Variants in PDE1C observed in about 807,000 individuals in gnomAD.
The protein encoded by PDE1C is phosphodiesterase 1C, also known as dual specificity calcium/calmodulin-dependent 3',5'-cyclic nucleotide phosphodiesterase 1C.
PDE1C carries 62 observed loss-of-function variants against 93.1 expected under a neutral mutation model. The observed-to-expected ratio is 0.67, with a 90% CI of 0.54 to 0.82. The LOEUF (loss-of-function observed/expected upper bound fraction) is 0.82. Ranked by LOEUF, PDE1C falls within the 40% of genes least tolerant of loss-of-function variation. The pLI, the probability that PDE1C is intolerant of heterozygous loss-of-function variation, is 0.00. For missense variants in PDE1C, 742 were observed against 884.6 expected, an observed-to-expected ratio of 0.84 and a Z score of 2.04; for synonymous variants, 325 against 310.1, an observed-to-expected ratio of 1.05 and a Z score of -0.50.
At chr7:31,747,555 A>C (rs1421031283), downstream of PDE1C, among the ~76,000 whole-genome samples, 1 of 152,188 alleles carries the variant, frequency 6.6e-6, no homozygotes, top group East Asian at 1.9e-4. Context: ...CAGTCCACTG[A>C]GATCTCAGCA....
chr7:31,877,063 T>C (rs1017451310), intron 5 of PDE1C, among the ~76,000 whole-genome samples: 4 of 152,164 alleles, frequency 2.6e-5, no homozygotes, highest in African/African-American at 9.7e-5. Context: ...TTTCAGGTTT[T>C]GGAGAAAGAA....
At chr7:32,089,264 T>C (rs1797318046) in intron 3 of PDE1C, among the ~76,000 whole-genome samples, 2 of 152,318 alleles carry the variant, frequency 1.3e-5, no homozygotes, top group Admixed American at 1.3e-4. Flanking sequence ...TAGAAAATCC[T>C]CACATTGAAG....
chr7:32,173,552 C>T (rs1340238015), intron 2 of PDE1C, among the ~76,000 whole-genome samples: 3 of 151,740 alleles, frequency 2.0e-5, no homozygotes, highest in Non-Finnish European at 2.9e-5. Flanking sequence ...TGTCAGATCA[C>T]TAAGCCATGC....
At chr7:31,644,101 T>C in the PDE1C span, 13 of 703,090 alleles carry the variant, frequency 1.8e-5, no homozygotes, top group African/African-American at 2.3e-4. Context: ...GAGTGCTTTA[T>C]TGTTTATGAT....
chr7:32,150,347 CA>C (rs1801165376), intron 3 of PDE1C, among the ~76,000 whole-genome samples: 1 of 152,216 alleles, frequency 6.6e-6, no homozygotes, highest in African/African-American at 2.4e-5. Flanking sequence ...AATGCCCTTG[CA>C]TTTGCCAGCC....
At chr7:31,699,182 G>A in the PDE1C span, among the ~76,000 whole-genome samples, 2 of 72,334 alleles carry the variant, frequency 2.8e-5, no homozygotes, top group African/African-American at 1.5e-4. Context: ...GAAAGGTTCT[G>A]AGGACTGCCT....
At chr7:32,122,754 A>T (rs1372597884) in intron 3 of PDE1C, among the ~76,000 whole-genome samples, 2 of 152,216 alleles carry the variant, frequency 1.3e-5, no homozygotes, top group African/African-American at 2.4e-5. Context: ...TGCCCACATC[A>T]TAAAGCTACA....
the PDE1C span, among the ~76,000 whole-genome samples, chr7:31,638,876 G>A: frequency 6.6e-5 from 10 of 151,902 alleles, no homozygotes; most frequent in African/African-American, 1.5e-4. Context: ...TCCCAGGTTC[G>A]AGCAATTCTT....
At chr7:32,365,717 C>T (rs1784218348) in intron 1 of PDE1C, among the ~76,000 whole-genome samples, 2 of 152,196 alleles carry the variant, frequency 1.3e-5, no homozygotes, top group African/African-American at 4.8e-5. Context: ...GGTCAACCCA[C>T]CATGTGCATG....
chr7:31,918,750 A>G (rs984079083), intron 2 of PDE1C, among the ~76,000 whole-genome samples: 1 of 152,114 alleles, frequency 6.6e-6, no homozygotes, highest in African/African-American at 2.4e-5. Flanking sequence ...TTGTGCATTT[A>G]TACCTTCGTC....
At chr7:32,262,781 A>G (rs998222407) in intron 1 of PDE1C, among the ~76,000 whole-genome samples, 4 of 152,312 alleles carry the variant, frequency 2.6e-5, no homozygotes, top group African/African-American at 7.2e-5. Flanking sequence ...TTTTGGGGAT[A>G]GTATTTTGGA....
intron 2 of PDE1C, among the ~76,000 whole-genome samples, chr7:31,973,355 C>T (rs1217544873): frequency 6.6e-6 from 1 of 152,180 alleles, no homozygotes; most frequent in Admixed American, 6.5e-5. Flanking sequence ...ATTTAAGAAG[C>T]TACGAGAATA....
chr7:32,052,349 T>C (rs748165483), intron 1 of PDE1C: 1 of 475,448 alleles, frequency 2.1e-6, no homozygotes, highest in African/African-American at 1.9e-5. Context: ...ACATCTGCTC[T>C]GACCATCTCA....
At chr7:31,652,092 C>T in the PDE1C span, 1 of 1,351,026 alleles carries the variant, frequency 7.4e-7, no homozygotes, top group Non-Finnish European at 1.0e-6. Flanking sequence ...ATCCAGCCTA[C>T]CACAGGAGAG....
chr7:31,707,445 C>T, the PDE1C span: 1 of 590,806 alleles, frequency 1.7e-6, no homozygotes, highest in South Asian at 2.3e-5. Context: ...TGCCAGTCAC[C>T]TCTTTGTCTC....
the PDE1C span, among the ~76,000 whole-genome samples, chr7:31,667,074 G>A: frequency 5.9e-5 from 9 of 152,074 alleles, no homozygotes; most frequent in African/African-American, 1.4e-4. Context: ...ACATGGATAC[G>A]GGGCAGGGGT....
intron 2 of PDE1C, among the ~76,000 whole-genome samples, chr7:31,942,513 A>T (rs764610040): frequency 1.2e-4 from 18 of 152,114 alleles, no homozygotes; most frequent in Non-Finnish European, 2.4e-4. Flanking sequence ...ATTTAAACTA[A>T]TCCAAGGAGT....
At chr7:31,962,986 A>C (rs1214182888) in intron 2 of PDE1C, among the ~76,000 whole-genome samples, 1 of 152,248 alleles carries the variant, frequency 6.6e-6, no homozygotes, top group Non-Finnish European at 1.5e-5. Context: ...CCCTTTAAAA[A>C]ATATATCTTG....
intron 3 of PDE1C, among the ~76,000 whole-genome samples, chr7:32,109,081 G>C (rs1171571407): frequency 3.9e-5 from 6 of 152,138 alleles, no homozygotes; most frequent in African/African-American, 1.2e-4. Flanking sequence ...TCGGCATTCA[G>C]GTACATTTAC....
Sources: gnomAD v4.1 joint callset for allele counts (sites outside exome capture counted in the v4.1 genomes callset) on GRCh38, gnomAD v4.1.1 for gene constraint, MANE v1.5 for transcripts, NCBI Gene and HGNC (gene_info 2026-07-23, HGNC 2026-07-21) for gene names.